The following PTPRD variants were observed in gnomAD, a reference collection of about 807,000 sequenced individuals.
PTPRD encodes protein tyrosine phosphatase receptor type D, also known as receptor-type tyrosine-protein phosphatase delta.
Under a neutral mutation model 214.5 loss-of-function variants are expected in PTPRD, and 34 were observed. The ratio of observed to expected loss-of-function variants is 0.16; its 90% CI spans 0.12 to 0.21. The LOEUF (loss-of-function observed/expected upper bound fraction) is 0.21, where lower values mean the gene tolerates loss of function less well. Ranked by LOEUF, PTPRD falls within the 10% of genes least tolerant of loss-of-function variation. The pLI, the probability that PTPRD is intolerant of heterozygous loss-of-function variation, is 1.00. For synonymous variants in PTPRD, 1,128 were observed against 845.7 expected, an observed-to-expected ratio of 1.33 and a Z score of -5.79; for missense variants, 2,545 against 2,398.7, an observed-to-expected ratio of 1.06 and a Z score of -1.27.
intron 11 of PTPRD, among the ~76,000 whole-genome samples, chr9:8,761,250 G>T (rs990444783): frequency 6.6e-6 from 1 of 152,194 alleles, no homozygotes; most frequent in African/African-American, 2.4e-5. Context: ...GGTGGGGACA[G>T]AAAATAGAAG....
chr9:10,402,970 A>AT, intron 2 of PTPRD, among the ~76,000 whole-genome samples: 1 of 151,548 alleles, frequency 6.6e-6, no homozygotes. Context: ...CTCACAGCAC[A>AT]TCAATTATTT....
intron 43 of PTPRD, among the ~76,000 whole-genome samples, chr9:8,332,529 T>C (rs1250123660): frequency 1.6e-5 from 2 of 123,432 alleles, no homozygotes; most frequent in African/African-American, 2.5e-5. Context: ...TTAACATAGA[T>C]AAACCAAAAG....
intron 35 of PTPRD, among the ~76,000 whole-genome samples, chr9:8,432,297 G>A (rs989327237): frequency 6.6e-6 from 1 of 152,176 alleles, no homozygotes; most frequent in Non-Finnish European, 1.5e-5. Flanking sequence ...TGTTTATAAA[G>A]ACCTGCAGAG....
intron 12 of PTPRD, among the ~76,000 whole-genome samples, chr9:8,693,995 G>A (rs1372758491): frequency 6.6e-6 from 1 of 152,094 alleles, no homozygotes; most frequent in East Asian, 1.9e-4. Context: ...CAAAAGCATT[G>A]GAAATCTCAA....
intron 3 of PTPRD, among the ~76,000 whole-genome samples, chr9:10,092,231 A>G (rs1405794389): frequency 6.6e-6 from 1 of 151,478 alleles, no homozygotes; most frequent in Non-Finnish European, 1.5e-5. Context: ...AAATAAGCAC[A>G]CATTTCTGAG....
At chr9:8,350,940 TC>T (rs751356169) in intron 39 of PTPRD, among the ~76,000 whole-genome samples, 7 of 152,182 alleles carry the variant, frequency 4.6e-5, no homozygotes, top group Non-Finnish European at 7.3e-5. Context: ...ATGCACATAC[TC>T]TTTGACCCAG....
chr9:10,400,653 G>A (rs2098254479), intron 2 of PTPRD, among the ~76,000 whole-genome samples: 1 of 151,300 alleles, frequency 6.6e-6, no homozygotes, highest in African/African-American at 2.4e-5. Flanking sequence ...AAAATTCCTT[G>A]AACTAAAATG....
chr9:9,350,522 TCAA>T (rs2138125395), intron 9 of PTPRD, among the ~76,000 whole-genome samples: 1 of 152,170 alleles, frequency 6.6e-6, no homozygotes, highest in Non-Finnish European at 1.5e-5. Flanking sequence ...CCCTTTTGTG[TCAA>T]CAATCTGTTT....
intron 2 of PTPRD, among the ~76,000 whole-genome samples, chr9:10,575,392 A>G (rs901853728): frequency 6.6e-6 from 1 of 152,132 alleles, no homozygotes; most frequent in East Asian, 1.9e-4. Context: ...GATGTGTTCT[A>G]CCTAGTCATT....
intron 2 of PTPRD, among the ~76,000 whole-genome samples, chr9:10,426,971 C>T (rs940116777): frequency 6.6e-6 from 1 of 151,912 alleles, no homozygotes; most frequent in South Asian, 2.1e-4. Flanking sequence ...CCCAATGTAT[C>T]AATATTAAGA....
At chr9:10,551,051 A>T (rs59945048) in intron 2 of PTPRD, among the ~76,000 whole-genome samples, 3,839 of 152,324 alleles carry the variant, frequency 0.025, 147 homozygotes, top group African/African-American at 0.087. Flanking sequence ...ATTACATATT[A>T]GGCTGAGTGC....
chr9:8,702,344 T>C (rs1432611924), intron 12 of PTPRD, among the ~76,000 whole-genome samples: 3 of 152,304 alleles, frequency 2.0e-5, no homozygotes, highest in Non-Finnish European at 2.9e-5. Context: ...CCTTATCTTC[T>C]GTGGTCTTTT....
intron 11 of PTPRD, among the ~76,000 whole-genome samples, chr9:9,005,822 C>G (rs2099461411): frequency 6.6e-6 from 1 of 151,900 alleles, no homozygotes; most frequent in South Asian, 2.1e-4. Context: ...GGAGGGCAGA[C>G]TTATACTCTG....
chr9:8,757,643 CATACATAT>C (rs1296792855), intron 11 of PTPRD, among the ~76,000 whole-genome samples: 2 of 136,882 alleles, frequency 1.5e-5, no homozygotes, highest in Non-Finnish European at 1.5e-5. Flanking sequence ...TATATATATA[CATACATAT>C]ATACATATAT....
intron 11 of PTPRD, among the ~76,000 whole-genome samples, chr9:8,907,235 T>C (rs563782430): frequency 7.9e-5 from 12 of 152,240 alleles, no homozygotes; most frequent in Non-Finnish European, 1.6e-4. Context: ...CAATATGTTA[T>C]CTAAAATGTG....
At position 10,306,264 on chromosome 9, in the gene PTPRD, G is replaced by T. The variant is rs1473165421; in HGVS notation, c.-545+34699C>A. On this transcript the variant is annotated intron_variant, in intron 3 of 45. Transcript: ENST00000381196. Reference sequence around the variant, plus strand: ...AGGGAGGGGAACATCACATGCTGGGGCCTGTCGTGGGGTGGGGGGGGCTAG... The same window carrying T: ...AGGGAGGGGAACATCACATGCTGGGTCCTGTCGTGGGGTGGGGGGGGCTAG... Among the ~76,000 whole-genome samples, 3 of 134,186 alleles carry T rather than the reference G, an allele frequency of 2.2e-5. No homozygotes were observed. The East Asian group carries it at 6.5e-4, about 29-fold the overall frequency. 88.0% of individuals were successfully genotyped at this position (134,186 alleles called of 152,430 possible). A position where few individuals can be genotyped will look rare whatever the true frequency, so the allele number is the denominator to read the frequency against.
chr9:10,067,585 G>T (rs912483716), intron 3 of PTPRD, among the ~76,000 whole-genome samples: 1 of 151,756 alleles, frequency 6.6e-6, no homozygotes, highest in African/African-American at 2.4e-5. Flanking sequence ...GAGACTCTGC[G>T]AGGAGGTATT....
chr9:9,944,947 T>C (rs990655331), intron 4 of PTPRD, among the ~76,000 whole-genome samples: 2 of 151,962 alleles, frequency 1.3e-5, no homozygotes, highest in Non-Finnish European at 2.9e-5. Context: ...CAAAAAGGCC[T>C]ACTGTAAAAG....
chr9:8,873,351 T>C (rs548546940), intron 11 of PTPRD, among the ~76,000 whole-genome samples: 129 of 152,198 alleles, frequency 8.5e-4, no homozygotes, highest in Non-Finnish European at 1.4e-3. Context: ...AGCTGTCGTG[T>C]TGTATGTGGT....
Sources: gnomAD v4.1 joint callset for allele counts (sites outside exome capture counted in the v4.1 genomes callset) on GRCh38, gnomAD v4.1.1 for gene constraint, MANE v1.5 for transcripts, NCBI Gene and HGNC (gene_info 2026-07-23, HGNC 2026-07-21) for gene names.